EPB41L5: variants seen among roughly 807,000 people sequenced by gnomAD.
The protein encoded by EPB41L5 is band 4.1-like protein 5.
In EPB41L5, 55 loss-of-function variants were observed where a neutral mutation model predicts 106.6. The observed-to-expected ratio is 0.52, with a 90% CI of 0.42 to 0.65. The LOEUF (loss-of-function observed/expected upper bound fraction) is 0.65, where lower values mean the gene tolerates loss of function less well. Among genes scored for constraint, EPB41L5 ranks in the 30% least tolerant of loss-of-function variants. The pLI is 0.00. For synonymous variants in EPB41L5, 297 were observed against 306.7 expected, an observed-to-expected ratio of 0.97 and a Z score of 0.33; for missense variants, 871 against 882.1, an observed-to-expected ratio of 0.99 and a Z score of 0.16.
chr2:120,178,932 C>T lies in EPB41L5; in HGVS notation c.*4025C>T, dbSNP rs1224766751. ...GGTCTCACTAACTATTTTGTGTTTA[C>T]CTTTTATATGTGTAAAACTTTGCAG... On this transcript the variant is annotated 3_prime_UTR_variant, in exon 25 of 25. Transcript: ENST00000263713. The T allele has an allele frequency of 6.6e-6, 1 of 152,134 alleles. No homozygotes were observed. Among genetic ancestry groups the T allele is most frequent in the African/African-American group, 2.4e-5 (1 of 41,428 alleles). 9.4% of individuals were successfully genotyped at this position (152,134 alleles called of 1,614,324 possible). A position where few individuals can be genotyped will look rare whatever the true frequency, so the allele number is the denominator to read the frequency against.
At chr2:120,068,855 C>T (rs1397722742) in intron 3 of EPB41L5, among the ~76,000 whole-genome samples, 2 of 151,230 alleles carry the variant, frequency 1.3e-5, no homozygotes, top group African/African-American at 4.9e-5. Flanking sequence ...TGGCCAGGCA[C>T]AGTGGCTCAC....
rs1204444595 is a variant in EPB41L5 at position 120,176,713 on chromosome 2, G to C, written c.*1806G>C. On this transcript the variant is annotated 3_prime_UTR_variant, in exon 25 of 25. Coordinates refer to ENST00000263713, the MANE Select transcript of EPB41L5 (RefSeq NM_020909.4). The stretch of plus-strand genomic sequence containing the variant: ...GGCTTGACCCAGGACATGATGGAAT[G>C]AGCATCAAATTTTCAGTGTCTTGGC... 6.6e-6 allele frequency: 1 copy of C among 152,172 alleles called. No individual in the cohort carries two copies. Among genetic ancestry groups the C allele is most frequent in the African/African-American group, 2.4e-5 (1 of 41,444 alleles). 9.4% of individuals were successfully genotyped at this position (152,172 alleles called of 1,614,324 possible).
chr2:120,016,591 A>G (rs1677544564), intron 1 of EPB41L5, among the ~76,000 whole-genome samples: 1 of 152,072 alleles, frequency 6.6e-6, no homozygotes, highest in South Asian at 2.1e-4. Flanking sequence ...TTTCTTGGAT[A>G]CTGTTAAAGG....
At chr2:120,080,159 G>A (rs1185948145) in intron 10 of EPB41L5, among the ~76,000 whole-genome samples, 2 of 150,874 alleles carry the variant, frequency 1.3e-5, no homozygotes, top group African/African-American at 4.9e-5. Context: ...TGCAAAGTGT[G>A]CAGGTTTGTT....
At chr2:120,031,949 A>G (rs1254888309) in intron 2 of EPB41L5, among the ~76,000 whole-genome samples, 1 of 152,170 alleles carries the variant, frequency 6.6e-6, no homozygotes, top group East Asian at 1.9e-4. Flanking sequence ...CAGCCTGTCC[A>G]ATGTAGCCAG....
intron 21 of EPB41L5, among the ~76,000 whole-genome samples, chr2:120,164,462 T>C (rs1367761894): frequency 6.6e-6 from 1 of 152,132 alleles, no homozygotes; most frequent in Non-Finnish European, 1.5e-5. Context: ...TCCTCCCGCC[T>C]TGGCCTCTCA....
At chr2:120,087,917 T>C (rs982849236) in intron 11 of EPB41L5, among the ~76,000 whole-genome samples, 3 of 152,216 alleles carry the variant, frequency 2.0e-5, no homozygotes, top group Non-Finnish European at 2.9e-5. Flanking sequence ...GCAACTCACA[T>C]GCATTGTTCT....
intron 3 of EPB41L5, among the ~76,000 whole-genome samples, chr2:120,045,363 A>G (rs1450177835): frequency 1.3e-5 from 2 of 152,218 alleles, no homozygotes; most frequent in African/African-American, 4.8e-5. Context: ...ATTTAATTTC[A>G]TAGTTGAAAC....
chr2:120,018,369 G>T (rs1025783827), intron 1 of EPB41L5, among the ~76,000 whole-genome samples: 1 of 152,240 alleles, frequency 6.6e-6, no homozygotes, highest in African/African-American at 2.4e-5. Flanking sequence ...TAGAAGACCT[G>T]ATGAACTTCA....
At chr2:120,142,310 T>C (rs183438371) in intron 18 of EPB41L5, among the ~76,000 whole-genome samples, 4 of 152,232 alleles carry the variant, frequency 2.6e-5, no homozygotes, top group Non-Finnish European at 5.9e-5. Context: ...TCAAGATCTA[T>C]AGATTTTTGA....
chr2:120,090,826 C>A (rs1473487814), intron 12 of EPB41L5, among the ~76,000 whole-genome samples: 1 of 152,146 alleles, frequency 6.6e-6, no homozygotes, highest in Non-Finnish European at 1.5e-5. Flanking sequence ...CCACTGGATA[C>A]CATATAGAAA....
At chr2:120,123,850 G>T (rs755691093) in intron 16 of EPB41L5, among the ~76,000 whole-genome samples, 4 of 151,666 alleles carry the variant, frequency 2.6e-5, no homozygotes, top group Non-Finnish European at 4.4e-5. Context: ...TAGAGATGGG[G>T]TTTTGCCATG....
chr2:120,141,230 T>C (rs1686160702), intron 18 of EPB41L5, among the ~76,000 whole-genome samples: 1 of 152,142 alleles, frequency 6.6e-6, no homozygotes, highest in African/African-American at 2.4e-5. Flanking sequence ...ACGAGTGGAA[T>C]GACAAGTTCT....
intron 3 of EPB41L5, among the ~76,000 whole-genome samples, chr2:120,059,749 C>A (rs1338455738): frequency 2.6e-5 from 4 of 151,544 alleles, no homozygotes; most frequent in South Asian, 2.1e-4. Context: ...CAAAAAAAAA[C>A]AAAAAAAGTC....
rs192966646 is a variant in EPB41L5 at position 120,124,559 on chromosome 2, T to G, written c.1338-3129T>G. ...TACTTCATTCCTATGTACTTTTGCA[T>G]GAATCTCCAAAAATCAAAGATAGGT... is the stretch of plus-strand genomic sequence containing the variant. On this transcript the variant is annotated intron_variant, in intron 16 of 24. Transcript: ENST00000263713. Among the ~76,000 whole-genome samples the G allele has an allele frequency of 1.5e-4, 23 of 152,324 alleles. No individual in the cohort carries two copies. The South Asian group carries it at 2.3e-3, about 15-fold the overall frequency.
At chr2:120,048,033 C>T (rs1451833770) in intron 3 of EPB41L5, among the ~76,000 whole-genome samples, 1 of 152,152 alleles carries the variant, frequency 6.6e-6, no homozygotes, top group East Asian at 1.9e-4. Context: ...GGTGGATAAG[C>T]TTTTTGATGT....
At chr2:120,038,064 GAC>G (rs1679154669) in intron 2 of EPB41L5, among the ~76,000 whole-genome samples, 1 of 152,144 alleles carries the variant, frequency 6.6e-6, no homozygotes, top group South Asian at 2.1e-4. Flanking sequence ...TGTATTAAAG[GAC>G]ACTGCCAAGA....
At chr2:120,152,018 C>G (rs183088337) in intron 20 of EPB41L5, among the ~76,000 whole-genome samples, 1 of 152,038 alleles carries the variant, frequency 6.6e-6, no homozygotes, top group Non-Finnish European at 1.5e-5. Flanking sequence ...GTTTTTATTT[C>G]TTTTTCTTAC....
At chr2:120,156,337 C>T (rs1686899474) in intron 20 of EPB41L5, among the ~76,000 whole-genome samples, 1 of 152,150 alleles carries the variant, frequency 6.6e-6, no homozygotes, top group Non-Finnish European at 1.5e-5. Flanking sequence ...GCAGAGAGTT[C>T]CTGTAGGGCG....
Sources: allele counts gnomAD v4.1 joint callset (sites outside exome capture counted in the v4.1 genomes callset), GRCh38; gene constraint gnomAD v4.1.1; transcripts MANE v1.5; gene names NCBI Gene and HGNC (gene_info 2026-07-23, HGNC 2026-07-21).